NAV3: variants seen among roughly 807,000 people sequenced by gnomAD.
NAV3 encodes pore membrane and/or filament interacting like protein 1.
A neutral mutation model predicts 244.7 loss-of-function variants in NAV3; 87 were observed. The ratio of observed to expected loss-of-function variants is 0.36; its 90% CI spans 0.30 to 0.42. NAV3 has a LOEUF of 0.42. Among genes scored for constraint, NAV3 ranks in the 20% least tolerant of loss-of-function variants. The pLI, the probability that NAV3 is intolerant of heterozygous loss-of-function variation, is 1.00. For missense variants in NAV3, 2,663 were observed against 2,893.3 expected (o/e 0.92, Z 1.83); for synonymous variants, 1,126 against 1,042.2 (o/e 1.08, Z -1.55).
In NAV3 at chr12:78,177,657, G is replaced by A. The variant is rs769974035; in HGVS notation, c.5335G>A (p.Gly1779Ser). 1 of 1,597,250 alleles carries A rather than the reference G, an allele frequency of 6.3e-7. No individual in the cohort carries two copies. Among genetic ancestry groups the A allele is most frequent in the Non-Finnish European group, 8.5e-7 (1 of 1,179,210 alleles). ...LVWPPKKRQNGPVIYKHRSRI... is the reference protein window; with the variant it reads ...LVWPPKKRQNSPVIYKHRSRI... ...CTGGCCACCAAAGAAACGACAAAAT[G>A]GCCCTGTGATCTACAAGCATAGATC... is the stretch of plus-strand genomic sequence containing the variant. The change falls in exon 28 of 40, where the codon GGC (glycine) becomes AGC (serine). Residue 1779 changes from glycine (G) to serine (S), a missense_variant. Gly to Ser is a moderately conservative substitution (Grantham distance 56). Coordinates refer to ENST00000397909, the MANE Select transcript of NAV3 (RefSeq NM_001024383.2).
Position 78,119,855 on chromosome 12 carries a change from C to A in NAV3, c.3659C>A (p.Ser1220Tyr), listed in dbSNP as rs781297578. ...ESVSLSGSPK[S>Y]SPTSASACGA... Reference sequence around the variant, plus strand: ...GTTTCTTTGTCAGGTTCCCCCAAATCCAGCCCCACCTCTGCCAGCGCCTGT... The same window carrying A: ...GTTTCTTTGTCAGGTTCCCCCAAATACAGCCCCACCTCTGCCAGCGCCTGT... The change falls in exon 15 of 40, where the codon TCC becomes TAC. Residue 1220 changes from serine to tyrosine, a missense_variant. Physicochemically the swap from Ser to Tyr is moderately radical, Grantham distance 144 (BLOSUM62 -2). Around this residue, in one of 6 missense-constraint regions of NAV3, gnomAD observed 1,521 missense variants for 1,497.0 expected, o/e 1.02. Transcript: ENST00000397909. 2 of 1,614,154 alleles carry A rather than the reference C, an allele frequency of 1.2e-6. No individual in the cohort carries two copies. Among genetic ancestry groups the A allele is most frequent in the East Asian group, 2.2e-5 (1 of 44,878 alleles).
intron 2 of NAV3, among the ~76,000 whole-genome samples, chr12:77,734,263 CT>C (rs954297215): frequency 8.0e-5 from 12 of 149,596 alleles, no homozygotes; most frequent in Admixed American, 1.3e-4. Flanking sequence ...CCAGTCATTT[CT>C]TTTTTTTTTT....
At chr12:78,053,218 A>AATAT (rs776668829) in intron 11 of NAV3, among the ~76,000 whole-genome samples, 9 of 149,186 alleles carry the variant, frequency 6.0e-5, no homozygotes, top group African/African-American at 2.0e-4. Context: ...TCCGTCTAAA[A>AATAT]ATATATATAT....
At chr12:77,742,418 C>T (rs1868353550) in intron 2 of NAV3, among the ~76,000 whole-genome samples, 1 of 151,978 alleles carries the variant, frequency 6.6e-6, no homozygotes, top group Non-Finnish European at 1.5e-5. Flanking sequence ...CACTTTTACA[C>T]AGATTGTTTT....
intron 2 of NAV3, among the ~76,000 whole-genome samples, chr12:77,808,878 A>T (rs2135993217): frequency 6.6e-6 from 1 of 152,238 alleles, no homozygotes; most frequent in Non-Finnish European, 1.5e-5. Context: ...CGTCTCAGAG[A>T]GGAGGAATCT....
intron 9 of NAV3, among the ~76,000 whole-genome samples, chr12:78,048,370 T>C (rs1454372654): frequency 1.2e-4 from 19 of 152,222 alleles, no homozygotes; most frequent in Admixed American, 1.2e-3. Context: ...CTTTGGTCTC[T>C]GATGTTTGTG....
At chr12:77,702,044 C>T (rs1024984173) in intron 2 of NAV3, among the ~76,000 whole-genome samples, 24 of 151,594 alleles carry the variant, frequency 1.6e-4, no homozygotes, top group South Asian at 4.2e-4. Context: ...TATAAATTAC[C>T]GAGAGAAGGA....
At chr12:78,202,177 A>C (rs6538749) in intron 38 of NAV3, among the ~76,000 whole-genome samples, 76,736 of 151,236 alleles carry the variant, frequency 0.51, 20,494 homozygotes, top group East Asian at 0.8. Flanking sequence ...CAGAATTCTT[A>C]GAAAACTACT....
chr12:77,660,953 A>G (rs751077197), intron 2 of NAV3, among the ~76,000 whole-genome samples: 6 of 152,142 alleles, frequency 3.9e-5, no homozygotes, highest in African/African-American at 7.2e-5. Flanking sequence ...ATAGTATTCC[A>G]TTGTCTGGAT....
intron 2 of NAV3, among the ~76,000 whole-genome samples, chr12:77,632,279 C>T (rs1871943481): frequency 6.6e-6 from 1 of 152,054 alleles, no homozygotes; most frequent in African/African-American, 2.4e-5. Flanking sequence ...ATATATATCA[C>T]CAATCTGTAT....
intron 2 of NAV3, among the ~76,000 whole-genome samples, chr12:77,695,038 T>A (rs1875231523): frequency 6.6e-6 from 1 of 152,216 alleles, no homozygotes; most frequent in South Asian, 2.1e-4. Context: ...GAAGCTGCTC[T>A]AAGAACTTTA....
intron 2 of NAV3, among the ~76,000 whole-genome samples, chr12:77,607,983 G>A (rs1870748650): frequency 6.6e-6 from 1 of 152,092 alleles, no homozygotes; most frequent in African/African-American, 2.4e-5. Flanking sequence ...ATAATGATGT[G>A]AAAGTGTAAC....
chr12:78,187,581 C>T (rs1372135757), intron 31 of NAV3, among the ~76,000 whole-genome samples: 1 of 151,782 alleles, frequency 6.6e-6, no homozygotes, highest in African/African-American at 2.4e-5. Flanking sequence ...AGATTTGGAA[C>T]CATTATGTTT....
rs919044832 is a variant in NAV3, at chr12:77,657,335, A to G, written c.72+85069A>G. Reference sequence around the variant, plus strand: ...CAGAGAATACTACAAACACCTCTACACAAATAAGCTAGAAAATCTAGAAGA... The same window carrying G: ...CAGAGAATACTACAAACACCTCTACGCAAATAAGCTAGAAAATCTAGAAGA... On this transcript the variant is annotated intron_variant, in intron 2 of 8. Transcript: ENST00000550042. 4.6e-5 allele frequency among the ~76,000 whole-genome samples: 7 copies of G among 152,076 alleles called. No individual in the cohort carries two copies. The South Asian group carries it at 8.3e-4, about 18-fold the overall frequency.
chr12:78,193,085 T>C (rs931338820), intron 34 of NAV3, among the ~76,000 whole-genome samples: 8 of 152,228 alleles, frequency 5.3e-5, no homozygotes, highest in Non-Finnish European at 1.5e-5. Context: ...ACGCATTTTA[T>C]GCTGTGCCAT....
Position 78,050,806 on chromosome 12 carries a change from T to C in NAV3, c.2175T>C (p.Val725=), listed in dbSNP as rs1882633461. 6.2e-7 allele frequency: 1 copy of C among 1,609,914 alleles called. No homozygotes were observed. Among genetic ancestry groups the C allele is most frequent in the African/African-American group, 1.3e-5 (1 of 74,770 alleles). Residue 725 remains valine, a synonymous_variant, in exon 11 of 40, where the codon GTT becomes GTC. Coordinates refer to ENST00000397909, the MANE Select transcript of NAV3 (RefSeq NM_001024383.2). ...TTGACAGCACTGTGACAACAGAAGTTAATGGAAGGACCATACCCAACTTGA... is the reference window on the plus strand; with the variant it reads ...TTGACAGCACTGTGACAACAGAAGTCAATGGAAGGACCATACCCAACTTGA... The part of the protein sequence containing the change: ...TTFDSTVTTE[V]NGRTIPNLTS...
chr12:77,711,102 C>A (rs1483575854), intron 2 of NAV3, among the ~76,000 whole-genome samples: 1 of 152,144 alleles, frequency 6.6e-6, no homozygotes, highest in Non-Finnish European at 1.5e-5. Flanking sequence ...GAAATAATTG[C>A]CAATTGAATC....
chr12:77,828,658 G>C (rs1166953997), upstream of NAV3, among the ~76,000 whole-genome samples: 1 of 152,076 alleles, frequency 6.6e-6, no homozygotes, highest in Non-Finnish European at 1.5e-5. Context: ...ATTTTTTATA[G>C]TAAGTTAGTT....
At chr12:77,827,919 C>G (rs565081614), upstream of NAV3, among the ~76,000 whole-genome samples, 1 of 152,298 alleles carries the variant, frequency 6.6e-6, no homozygotes, top group East Asian at 1.9e-4. Flanking sequence ...AGCCCATTGT[C>G]TGAACTATCA....
Sources: gnomAD v4.1 joint callset for allele counts (sites outside exome capture counted in the v4.1 genomes callset) on GRCh38, gnomAD v4.1.1 for gene constraint, gnomAD v4.1.1 regional missense constraint, MANE v1.5 for transcripts, NCBI Gene and HGNC (gene_info 2026-07-23, HGNC 2026-07-21) for gene names.